TECTA: variants seen among roughly 807,000 people sequenced by gnomAD.
TECTA encodes alpha-tectorin.
In TECTA, 128 loss-of-function variants were observed where a neutral mutation model predicts 216.8. That is an observed-to-expected ratio of 0.59 (90% confidence interval 0.51 to 0.68). The LOEUF (loss-of-function observed/expected upper bound fraction) is 0.68, where lower values mean the gene tolerates loss of function less well. TECTA is among the 30% of genes least tolerant of loss of function. TECTA has a pLI of 0.00. For synonymous variants in TECTA, 1,089 were observed against 1,117.1 expected (o/e 0.97, Z 0.50); for missense variants, 2,551 against 2,786.2 (o/e 0.92, Z 1.90).
chr11:121,144,984 G>A (rs1161955477), intron 11 of TECTA, among the ~76,000 whole-genome samples: 1 of 152,154 alleles, frequency 6.6e-6, no homozygotes, highest in Non-Finnish European at 1.5e-5. Context: ...CCCAGACAAG[G>A]GAGTAATTAA....
chr11:121,129,313 G>A (rs1048277032), intron 9 of TECTA, among the ~76,000 whole-genome samples: 1 of 152,214 alleles, frequency 6.6e-6, no homozygotes, highest in Non-Finnish European at 1.5e-5. Flanking sequence ...TATTTTGAAA[G>A]GTACCAAAAC....
chr11:121,190,187 G>T (rs1220342454), intron 23 of TECTA: 1 of 394,986 alleles, frequency 2.5e-6, no homozygotes, highest in Non-Finnish European at 4.8e-6. Flanking sequence ...GTCTACTTGG[G>T]CTAAGGTTGG....
chr11:121,169,218 C>T (rs1001312304), intron 20 of TECTA, among the ~76,000 whole-genome samples: 3 of 152,194 alleles, frequency 2.0e-5, no homozygotes, highest in African/African-American at 7.2e-5. Flanking sequence ...GGATTCTGTG[C>T]TGTTTACTTT....
chr11:121,190,835 G>A lies in TECTA; in HGVS notation c.*29G>A, dbSNP rs375837774. On this transcript the variant is annotated 3_prime_UTR_variant, in exon 24 of 24. Coordinates refer to ENST00000392793, the MANE Select transcript of TECTA (RefSeq NM_005422.4). ...ACTCAAGGTTGCTATATAAAGTACTGTAATTTACTTACTTCAACACCCTGT... is the reference window on the plus strand; with the variant it reads ...ACTCAAGGTTGCTATATAAAGTACTATAATTTACTTACTTCAACACCCTGT... 6 of 1,529,828 alleles carry A rather than the reference G, an allele frequency of 3.9e-6. No homozygotes were observed. The South Asian group carries it at 4.5e-5, about 12-fold the overall frequency. 94.8% of individuals were successfully genotyped at this position (1,529,828 alleles called of 1,614,324 possible). A position where few individuals can be genotyped will look rare whatever the true frequency, so the allele number is the denominator to read the frequency against.
In TECTA at chr11:121,162,190, A is replaced by G. The variant is rs1434828936; in HGVS notation, c.5092A>G (p.Lys1698Glu). 1 of 1,614,158 alleles carries G rather than the reference A, an allele frequency of 6.2e-7. No individual in the cohort carries two copies. Among genetic ancestry groups the G allele is most frequent in the Middle Eastern group, 1.6e-4 (1 of 6,062 alleles). ...CTACTGCCTGAAGCTCACCGACATG[A>G]AGGGCTTCTTCCAGCCCTGCTATGG... ...DGYCLKLTDMKGFFQPCYGLL... is the reference protein window; with the variant it reads ...DGYCLKLTDMEGFFQPCYGLL... Residue 1698 changes from lysine (K) to glutamate (E), a missense_variant, in exon 16 of 24, where the codon AAG (lysine) becomes GAG (glutamate). Physicochemically the swap from Lys to Glu is moderately conservative, Grantham distance 56. Around this residue, in one of 3 missense-constraint regions of TECTA, gnomAD observed 2,375 missense variants for 2,563.9 expected, o/e 0.93. Transcript: ENST00000392793.
chr11:121,152,938 G>A lies in TECTA; in HGVS notation c.4163G>A (p.Arg1388His), dbSNP rs150016625. Residue 1388 changes from arginine to histidine, a missense_variant, in exon 13 of 24, where the codon CGC (arginine) becomes CAC (histidine). By Grantham distance (29) the Arg-to-His change is conservative (BLOSUM62 0). This residue lies in a region of TECTA where 2,375 missense variants were observed against 2,563.9 expected (regional missense o/e 0.93). Coordinates refer to ENST00000392793, the MANE Select transcript of TECTA (RefSeq NM_005422.4). ...YESCVSVCQP[R>H]CAAIRLKSDC... ...AGCTGCGTGAGTGTCTGCCAGCCCC[G>A]CTGCGCCGCCATCCGCCTGAAGAGT... The A allele has an allele frequency of 2.1e-4, 335 of 1,612,800 alleles. 1 individual carries two copies. In the Middle Eastern group the frequency reaches 4.8e-3, roughly 23 times the overall value.
At chr11:121,189,731 C>A in intron 22 of TECTA, 33 bp from the exon 23 acceptor site, 1 of 1,586,304 alleles carries the variant, frequency 6.3e-7, no homozygotes, top group South Asian at 1.1e-5. Flanking sequence ...GTTGAACTGT[C>A]TGTAGTTAAT....
chr11:121,129,787 C>A lies in TECTA; in HGVS notation c.2517C>A (p.Thr839=). The change falls in exon 10 of 24, where the codon ACC becomes ACA. Residue 839 remains threonine, a synonymous_variant. Coordinates refer to ENST00000392793, the MANE Select transcript of TECTA (RefSeq NM_005422.4). ...DIGLLYIRLS[T]TYFNCTGGLC... ...GTCTATTGTACATCCGGCTGTCCAC[C>A]ACATACTTCAATTGCACAGGGGGCT... 1 of 1,614,212 alleles carries A rather than the reference C, an allele frequency of 6.2e-7. No individual in the cohort carries two copies. Among genetic ancestry groups the A allele is most frequent in the Non-Finnish European group, 8.5e-7 (1 of 1,180,044 alleles).
chr11:121,113,761 G>A lies in TECTA; in HGVS notation c.790+43G>A. 3.7e-6 allele frequency: 6 copies of A among 1,610,642 alleles called. No individual in the cohort carries two copies. Among genetic ancestry groups the A allele is most frequent in the Non-Finnish European group, 5.1e-6 (6 of 1,179,338 alleles). On this transcript the variant is annotated intron_variant, in intron 6 of 23. Coordinates refer to ENST00000392793, the MANE Select transcript of TECTA (RefSeq NM_005422.4). This position sits in a 1 kb window ranked among gnomAD's most constrained non-coding sequence, Gnocchi z 4.2. ...TCTGTGGCAAGGCAGGGTTTGTTTAGTGTAGATTGACAGGCAAGCTTTTAA... is the reference window on the plus strand; with the variant it reads ...TCTGTGGCAAGGCAGGGTTTGTTTAATGTAGATTGACAGGCAAGCTTTTAA...
intron 18 of TECTA, 140 bp downstream of exon 18, chr11:121,166,920 A>G (rs1947060201): frequency 3.3e-6 from 3 of 904,432 alleles, no homozygotes; most frequent in Non-Finnish European, 5.2e-6. Flanking sequence ...GGCATGTGCA[A>G]CATGAAAGAC....
chr11:121,175,476 T>C (rs1947156583), intron 20 of TECTA, among the ~76,000 whole-genome samples: 1 of 152,234 alleles, frequency 6.6e-6, no homozygotes, highest in Non-Finnish European at 1.5e-5. Flanking sequence ...GAGCAGGTTG[T>C]TCAGTTTCCA....
At chr11:121,137,309 C>G in intron 10 of TECTA, 112 bp from the exon 11 acceptor site, 1 of 1,358,684 alleles carries the variant, frequency 7.4e-7, no homozygotes, top group Non-Finnish European at 1.0e-6. Context: ...CATGCACACA[C>G]GCACATGCAC....
chr11:121,177,496 C>T (rs1197689571), intron 20 of TECTA, among the ~76,000 whole-genome samples: 2 of 152,198 alleles, frequency 1.3e-5, no homozygotes, highest in African/African-American at 4.8e-5. Context: ...AGCAGATTTT[C>T]GTGAACCACA....
At chr11:121,126,404 G>A (rs1040302137) in intron 8 of TECTA, among the ~76,000 whole-genome samples, 2 of 152,342 alleles carry the variant, frequency 1.3e-5, no homozygotes, top group South Asian at 4.1e-4. Flanking sequence ...AATATTAGGA[G>A]TGGTTAGGAA....
chr11:121,156,589 C>A (rs963534220), intron 13 of TECTA, among the ~76,000 whole-genome samples: 1 of 152,060 alleles, frequency 6.6e-6, no homozygotes, highest in African/African-American at 2.4e-5. Context: ...GGTGATCCAC[C>A]CACCTCAGCC....
intron 15 of TECTA, among the ~76,000 whole-genome samples, chr11:121,160,936 C>A (rs1946992634): frequency 6.6e-6 from 1 of 152,186 alleles, no homozygotes. Context: ...CCACCCCTGG[C>A]CAGCAGAGAG....
chr11:121,153,100 C>T lies in TECTA; in HGVS notation c.4305+20C>T. ...TACGAGGTATGGGAGGCCAGCCCGG[C>T]CTTTTCCTCCTTGCCAATGATCAGA... On this transcript the variant is annotated intron_variant, in intron 13 of 23. Coordinates refer to ENST00000392793, the MANE Select transcript of TECTA (RefSeq NM_005422.4). 6.2e-7 allele frequency: 1 copy of T among 1,603,968 alleles called. No individual in the cohort carries two copies. Among genetic ancestry groups the T allele is most frequent in the Non-Finnish European group, 8.5e-7 (1 of 1,175,796 alleles).
intron 6 of TECTA, among the ~76,000 whole-genome samples, chr11:121,117,349 C>A (rs1279960259): frequency 6.6e-6 from 1 of 152,040 alleles, no homozygotes; most frequent in Admixed American, 6.5e-5. Flanking sequence ...TGACTGCTGC[C>A]CAGTTCTCTT....
At chr11:121,123,403 T>A (rs1946578482) in intron 7 of TECTA, among the ~76,000 whole-genome samples, 1 of 152,194 alleles carries the variant, frequency 6.6e-6, no homozygotes, top group Non-Finnish European at 1.5e-5. Flanking sequence ...GCTGTGTGTG[T>A]TCTATAAGCT....
Sources: gnomAD v4.1 joint callset for allele counts (sites outside exome capture counted in the v4.1 genomes callset) on GRCh38, gnomAD v4.1.1 for gene constraint, gnomAD v4.1.1 regional missense constraint, Gnocchi (gnomAD v3.1) non-coding constraint, MANE v1.5 for transcripts, NCBI Gene and HGNC (gene_info 2026-07-23, HGNC 2026-07-21) for gene names.